The following DST variants were observed in gnomAD, a reference collection of about 807,000 sequenced individuals.
DST encodes bullous pemphigoid antigen.
Under a neutral mutation model 875.2 loss-of-function variants are expected in DST, and 253 were observed. That is an observed-to-expected ratio of 0.29 (90% CI 0.26 to 0.32). The LOEUF is 0.32. DST is among the 10% of genes least tolerant of loss of function. The pLI, the probability that DST is intolerant of heterozygous loss-of-function variation, is 1.00. For missense variants in DST, 8,287 were observed against 9,111.6 expected (o/e 0.91, Z 3.68); for synonymous variants, 3,124 against 3,197.1 (o/e 0.98, Z 0.77).
At chr6:56,495,190 C>A (rs1299350834) in intron 82 of DST, among the ~76,000 whole-genome samples, 3 of 151,838 alleles carry the variant, frequency 2.0e-5, no homozygotes, top group Non-Finnish European at 4.4e-5. Flanking sequence ...TCAGATATAG[C>A]TAAAAACTCA....
intron 73 of DST, among the ~76,000 whole-genome samples, 200 bp from the exon 74 acceptor site, chr6:56,510,073 G>A (rs1253893071): frequency 5.3e-5 from 8 of 152,122 alleles, no homozygotes; most frequent in Admixed American, 5.2e-4. Context: ...ATGCACCTCT[G>A]TCACACTACC....
intron 4 of DST, among the ~76,000 whole-genome samples, chr6:56,750,713 T>C (rs2099584512): frequency 6.6e-6 from 1 of 152,212 alleles, no homozygotes; most frequent in Admixed American, 6.5e-5. Context: ...GAATGAATGA[T>C]GTGCCAATAG....
intron 100 of DST, chr6:56,464,390 T>TA: frequency 2.4e-6 from 1 of 410,476 alleles, no homozygotes; most frequent in Non-Finnish European, 4.3e-6. Context: ...ATCTGTGAGG[T>TA]AGTCAGTGAT....
In DST at chr6:56,605,044, T is replaced by A. The variant is rs1160571964; in HGVS notation, c.9584A>T (p.Asp3195Val). Reference sequence around the variant, plus strand: ...GACATCTTCATTTGGTTTGGCTACATCTTTTGCTTTTATATTTTTAGCACA... The same window carrying A: ...GACATCTTCATTTGGTTTGGCTACAACTTTTGCTTTTATATTTTTAGCACA... ...KHCAKNIKAKDVAKPNEDVPS... is the reference protein window; with the variant it reads ...KHCAKNIKAKVVAKPNEDVPS... Residue 3195 changes from aspartate to valine, a missense_variant, in exon 40 of 104, where the codon GAT becomes GTT. Asp to Val is a radical substitution (Grantham distance 152). Transcript: ENST00000680361. The A allele has an allele frequency of 8.1e-6, 13 of 1,612,760 alleles. No homozygotes were observed. The highest frequency in any genetic ancestry group is 1.1e-5 in the Non-Finnish European group (13 of 1,179,348).
chr6:56,511,072 C>A (rs1223731707), intron 73 of DST, 125 bp downstream of exon 73: 2 of 804,802 alleles, frequency 2.5e-6, no homozygotes, highest in Non-Finnish European at 3.9e-6. Context: ...ACACAGACAT[C>A]AATACTCAAG....
At chr6:56,718,291 G>A (rs1340569388) in intron 5 of DST, among the ~76,000 whole-genome samples, 1 of 151,988 alleles carries the variant, frequency 6.6e-6, no homozygotes, top group Non-Finnish European at 1.5e-5. Flanking sequence ...TACACAAATG[G>A]CCAATAAGCA....
chr6:56,814,759 C>T (rs1340197457), intron 4 of DST, among the ~76,000 whole-genome samples: 3 of 152,076 alleles, frequency 2.0e-5, no homozygotes, highest in Non-Finnish European at 1.5e-5. Flanking sequence ...AGGTATACTT[C>T]GTCAAAAATA....
rs949369333 is a variant in DST at position 56,509,563 on chromosome 6, T to C, written c.19012+79A>G. ...ATCTTTTTTAAGATGCGGCATTTTG[T>C]TATCCAATTGGACGGTGAGTAAACC... On this transcript the variant is annotated intron_variant, in intron 74 of 103. Coordinates refer to ENST00000680361, the MANE Select transcript of DST (RefSeq NM_001374736.1). 4 of 1,082,006 alleles carry C rather than the reference T, an allele frequency of 3.7e-6. No individual in the cohort carries two copies. In the African/African-American group the frequency reaches 6.3e-5, roughly 17 times the overall value. 67.0% of individuals were successfully genotyped at this position (1,082,006 alleles called of 1,614,324 possible). A position where few individuals can be genotyped will look rare whatever the true frequency, so the allele number is the denominator to read the frequency against.
chr6:56,494,694 T>C (rs2095853628), intron 82 of DST, among the ~76,000 whole-genome samples: 1 of 152,128 alleles, frequency 6.6e-6, no homozygotes, highest in South Asian at 2.1e-4. Context: ...TTCAGAATTA[T>C]AAGAATCAAA....
chr6:56,907,468 A>G (rs535503390), intron 2 of DST, among the ~76,000 whole-genome samples: 1 of 152,340 alleles, frequency 6.6e-6, no homozygotes, highest in Admixed American at 6.5e-5. Context: ...CACTTAGCCT[A>G]TATACACCCT....
chr6:56,883,883 A>G (rs1401549837), intron 3 of DST, among the ~76,000 whole-genome samples: 2 of 152,156 alleles, frequency 1.3e-5, no homozygotes, highest in Non-Finnish European at 2.9e-5. Flanking sequence ...TAAAAATACC[A>G]TTATCAATCT....
chr6:56,628,171 T>A lies in DST; in HGVS notation c.4476-10A>T. 6.2e-7 allele frequency: 1 copy of A among 1,612,082 alleles called. No individual in the cohort carries two copies. The highest frequency in any genetic ancestry group is 8.5e-7 in the Non-Finnish European group (1 of 1,178,312). ...CTCTAAGTCCCGTAACCTAAGAGAA[T>A]AGTAACCGAATAGTCACGGTGTCCA... On this transcript the variant is annotated splice_polypyrimidine_tract_variant and intron_variant, in intron 32 of 103. Coordinates refer to ENST00000680361, the MANE Select transcript of DST (RefSeq NM_001374736.1).
chr6:56,939,591 T>C (rs976500946), intron 2 of DST, among the ~76,000 whole-genome samples: 12 of 152,244 alleles, frequency 7.9e-5, no homozygotes, highest in Admixed American at 3.9e-4. Flanking sequence ...GTTCCCCTTA[T>C]ATCTAGGCTT....
At chr6:56,615,206 A>G in intron 36 of DST, 1 of 1,175,540 alleles carries the variant, frequency 8.5e-7, no homozygotes, top group Admixed American at 4.1e-5. Flanking sequence ...GTTCTGAAGA[A>G]ATGACACTGT....
In DST at chr6:56,517,255, A is replaced by G. The variant is rs2152489872; in HGVS notation, c.18300T>C (p.Val6100=). 1 of 1,613,250 alleles carries G rather than the reference A, an allele frequency of 6.2e-7. No homozygotes were observed. The highest frequency in any genetic ancestry group is 2.2e-5 in the East Asian group (1 of 44,866). ...LRHKDIIDDL[V]KSGHKIMTAC... is the part of the protein sequence containing the mutation. ...CGGTCATGATTTTATGCCCAGATTTAACAAGGTCATCAATAATATCCTTGT... is the reference window on the plus strand; with the variant it reads ...CGGTCATGATTTTATGCCCAGATTTGACAAGGTCATCAATAATATCCTTGT... The change falls in exon 71 of 104, where the codon GTT becomes GTC. Residue 6100 remains valine, a synonymous_variant. Coordinates refer to ENST00000680361, the MANE Select transcript of DST (RefSeq NM_001374736.1).
intron 4 of DST, among the ~76,000 whole-genome samples, chr6:56,769,774 G>A (rs1388600293): frequency 1.3e-5 from 2 of 152,064 alleles, no homozygotes; most frequent in African/African-American, 2.4e-5. Context: ...CCAAGATCAC[G>A]CCACTGCACT....
intron 36 of DST, chr6:56,615,084 G>C (rs1186453901): frequency 6.8e-6 from 7 of 1,023,098 alleles, no homozygotes; most frequent in African/African-American, 1.7e-5. Flanking sequence ...CAGCTTGAAG[G>C]CTGTGGGAAC....
In DST at chr6:56,674,709, A is replaced by G. The variant is rs563238252; in HGVS notation, c.1048-3902T>C. The stretch of plus-strand genomic sequence containing the variant: ...AAAAAAAGACTTAGTAATAAATTTA[A>G]CCAAGGAGATAAAAGACCTTTATAC... On this transcript the variant is annotated intron_variant, in intron 9 of 103. Coordinates refer to ENST00000680361, the MANE Select transcript of DST (RefSeq NM_001374736.1). Among the ~76,000 whole-genome samples, 5 of 152,348 alleles carry G rather than the reference A, an allele frequency of 3.3e-5. No homozygotes were observed. In the South Asian group the frequency reaches 1.0e-3, roughly 32 times the overall value.
intron 69 of DST, among the ~76,000 whole-genome samples, chr6:56,519,509 C>T (rs2096656264): frequency 6.6e-6 from 1 of 152,136 alleles, no homozygotes; most frequent in Admixed American, 6.6e-5. Context: ...GGCTTCCACC[C>T]CCACTAAGCA....
Sources: allele counts gnomAD v4.1 joint callset (sites outside exome capture counted in the v4.1 genomes callset), GRCh38; gene constraint gnomAD v4.1.1; transcripts MANE v1.5; gene names NCBI Gene and HGNC (gene_info 2026-07-23, HGNC 2026-07-21).